The following SLC36A1 variants were observed in gnomAD, a reference collection of about 807,000 sequenced individuals.
SLC36A1 encodes solute carrier family 36 member 1, also known as proton-coupled amino acid transporter 1.
In SLC36A1, 30 loss-of-function variants were observed where a neutral mutation model predicts 47.5. That is an observed-to-expected ratio of 0.63 (90% CI 0.47 to 0.86). The LOEUF (loss-of-function observed/expected upper bound fraction) is 0.86. Ranked by LOEUF, SLC36A1 falls within the 40% of genes least tolerant of loss-of-function variation. The pLI, the probability that SLC36A1 is intolerant of heterozygous loss-of-function variation, is 0.00. For synonymous variants in SLC36A1, 255 were observed against 249.7 expected (o/e 1.02, Z -0.20); for missense variants, 517 against 606.0 (o/e 0.85, Z 1.54).
chr5:151,484,003 A>G (rs1190418727), intron 10 of SLC36A1, among the ~76,000 whole-genome samples: 1 of 152,170 alleles, frequency 6.6e-6, no homozygotes, highest in Non-Finnish European at 1.5e-5. Context: ...AGTGGTGAAA[A>G]CAAGAACAAG....
the SLC36A1 span, chr5:151,531,795 C>A: frequency 1.2e-6 from 2 of 1,612,998 alleles, no homozygotes; most frequent in African/African-American, 2.7e-5. This position sits in a 1 kb window ranked among gnomAD's most constrained non-coding sequence, Gnocchi z 5.7. Flanking sequence ...TGACGGTGCC[C>A]AGCGTGGACA....
Position 151,476,778 on chromosome 5 carries a change from A to G in SLC36A1, c.989+22A>G, listed in dbSNP as rs769583137. 3.1e-6 allele frequency: 5 copies of G among 1,609,826 alleles called. No individual in the cohort carries two copies. In the Admixed American group the frequency reaches 5.0e-5, roughly 16 times the overall value. Reference sequence around the variant, plus strand: ...GCTGGTACGTGGAGGGAGGATGGAAACCTAGGAGCACTGGATATTTTTAAA... The same window carrying G: ...GCTGGTACGTGGAGGGAGGATGGAAGCCTAGGAGCACTGGATATTTTTAAA... On this transcript the variant is annotated intron_variant, in intron 9 of 10. Coordinates refer to ENST00000243389, the MANE Select transcript of SLC36A1 (RefSeq NM_078483.4).
chr5:151,399,084 A>ATATATATATATATAT, the SLC36A1 span, among the ~76,000 whole-genome samples: 337 of 60,042 alleles, frequency 5.6e-3, 4 homozygotes, highest in Non-Finnish European at 8.8e-3. Flanking sequence ...ATATATATAT[A>ATATATATATATATAT]TTTTTTTTTT....
the SLC36A1 span, among the ~76,000 whole-genome samples, chr5:151,530,204 A>G: frequency 6.6e-6 from 1 of 152,028 alleles, no homozygotes; most frequent in African/African-American, 2.4e-5. Context: ...TTCATATATA[A>G]TGGATCAGGT....
the SLC36A1 span, chr5:151,543,633 G>C: frequency 1.2e-6 from 2 of 1,614,108 alleles, no homozygotes; most frequent in East Asian, 2.2e-5. Context: ...CAATCACCTT[G>C]GTTCCAACCA....
chr5:151,357,228 A>G, the SLC36A1 span, among the ~76,000 whole-genome samples: 371 of 152,346 alleles, frequency 2.4e-3, 2 homozygotes, highest in African/African-American at 8.3e-3. Flanking sequence ...CACTTAAGCC[A>G]CAGGCCCACA....
the SLC36A1 span, among the ~76,000 whole-genome samples, chr5:151,364,656 G>A: frequency 6.6e-6 from 1 of 152,316 alleles, no homozygotes; most frequent in South Asian, 2.1e-4. Flanking sequence ...GTCACTGAGA[G>A]ATTTAGTCAG....
the SLC36A1 span, chr5:151,507,750 T>G: frequency 1.4e-6 from 1 of 702,060 alleles, no homozygotes; most frequent in Non-Finnish European, 2.3e-6. Flanking sequence ...AAAGTAACTA[T>G]CAAGCATATC....
At chr5:151,357,442 T>C in the SLC36A1 span, among the ~76,000 whole-genome samples, 1 of 152,216 alleles carries the variant, frequency 6.6e-6, no homozygotes, top group African/African-American at 2.4e-5. Context: ...TTGTGGACTT[T>C]TACTTCCTTA....
At chr5:151,534,794 G>T in the SLC36A1 span, 1 of 603,702 alleles carries the variant, frequency 1.7e-6, no homozygotes, top group Non-Finnish European at 2.9e-6. Context: ...AGCTAAGCCT[G>T]TATCCCCCCA....
At chr5:151,445,871 T>C (rs184809085), upstream of SLC36A1, among the ~76,000 whole-genome samples, 13 of 152,252 alleles carry the variant, frequency 8.5e-5, no homozygotes, top group Admixed American at 3.9e-4. Context: ...TAGTCTTCTT[T>C]TTTTTCTTAG....
chr5:151,540,761 C>G, the SLC36A1 span: 7 of 1,612,174 alleles, frequency 4.3e-6, no homozygotes, highest in Admixed American at 8.3e-5. Flanking sequence ...AGGGGGTCTC[C>G]CTCTAAACAG....
chr5:151,346,428 T>C, the SLC36A1 span, among the ~76,000 whole-genome samples: 5 of 152,256 alleles, frequency 3.3e-5, no homozygotes, highest in East Asian at 3.9e-4. Flanking sequence ...TCCGATTTTG[T>C]TTCCATGCAC....
At chr5:151,350,197 C>A in the SLC36A1 span, among the ~76,000 whole-genome samples, 2 of 151,966 alleles carry the variant, frequency 1.3e-5, no homozygotes. Flanking sequence ...ACTCCTTCTA[C>A]CCCCATCTAA....
At chr5:151,347,371 C>A in the SLC36A1 span, 1 of 1,614,214 alleles carries the variant, frequency 6.2e-7, no homozygotes, top group African/African-American at 1.3e-5. Context: ...CCTTGTTCTC[C>A]AACTTCTTGG....
At chr5:151,416,875 TC>T in the SLC36A1 span, among the ~76,000 whole-genome samples, 1 of 152,170 alleles carries the variant, frequency 6.6e-6, no homozygotes. Context: ...TGGGGACATT[TC>T]CCCCATGCTG....
chr5:151,426,630 T>C, the SLC36A1 span, among the ~76,000 whole-genome samples: 1 of 152,154 alleles, frequency 6.6e-6, no homozygotes, highest in Non-Finnish European at 1.5e-5. Context: ...AGACATTCCA[T>C]TCCCAGGGAT....
intron 1 of SLC36A1, among the ~76,000 whole-genome samples, chr5:151,438,593 A>T (rs924909505): frequency 4.6e-5 from 7 of 152,176 alleles, no homozygotes; most frequent in African/African-American, 1.7e-4. Flanking sequence ...TTGTTCCAAG[A>T]AGAGGAGTGT....
chr5:151,551,704 T>G, the SLC36A1 span: 8 of 1,292,818 alleles, frequency 6.2e-6, no homozygotes, highest in African/African-American at 1.4e-5. Flanking sequence ...GACACGGTGG[T>G]AAATTCCACA....
Sources: gnomAD v4.1 joint callset for allele counts (sites outside exome capture counted in the v4.1 genomes callset) on GRCh38, gnomAD v4.1.1 for gene constraint, Gnocchi (gnomAD v3.1) non-coding constraint, MANE v1.5 for transcripts, NCBI Gene and HGNC (gene_info 2026-07-23, HGNC 2026-07-21) for gene names.